DNAAF9: variants seen among roughly 807,000 people sequenced by gnomAD.
The protein encoded by DNAAF9 is shulin.
DNAAF9 carries 90 observed loss-of-function variants against 167.0 expected under a neutral mutation model. The observed-to-expected ratio is 0.54, with a 90% CI of 0.45 to 0.64. The LOEUF is 0.64. Among genes scored for constraint, DNAAF9 ranks in the 30% least tolerant of loss-of-function variants. The pLI is 0.00. For synonymous variants in DNAAF9, 491 were observed against 508.8 expected, an observed-to-expected ratio of 0.96 and a Z score of 0.47; for missense variants, 1,315 against 1,442.2, an observed-to-expected ratio of 0.91 and a Z score of 1.43.
chr20:3,306,524 G>A (rs766565698), intron 20 of DNAAF9, among the ~76,000 whole-genome samples: 1 of 152,062 alleles, frequency 6.6e-6, no homozygotes, highest in Non-Finnish European at 1.5e-5. Context: ...TTTCTCATAG[G>A]ACAGATGAGA....
intron 26 of DNAAF9, among the ~76,000 whole-genome samples, chr20:3,288,429 A>C (rs890299473): frequency 6.6e-6 from 1 of 152,216 alleles, no homozygotes; most frequent in Non-Finnish European, 1.5e-5. Flanking sequence ...CAGCCTGGGC[A>C]ACAAGAGTGA....
chr20:3,385,901 A>G (rs2083728429), intron 1 of DNAAF9, among the ~76,000 whole-genome samples: 1 of 152,250 alleles, frequency 6.6e-6, no homozygotes. Context: ...AGGAACCTCA[A>G]CATAGTACTG....
intron 12 of DNAAF9, 60 bp downstream of exon 12, chr20:3,330,586 G>A (rs2069807808): frequency 1.0e-6 from 1 of 983,334 alleles, no homozygotes; most frequent in Admixed American, 1.8e-5. Context: ...GAAGTACACA[G>A]GACAGTCACA....
At chr20:3,266,339 C>T (rs1309481365) in intron 30 of DNAAF9, among the ~76,000 whole-genome samples, 1 of 152,202 alleles carries the variant, frequency 6.6e-6, no homozygotes, top group Non-Finnish European at 1.5e-5. Flanking sequence ...TGGTACTTTA[C>T]ACAGTACAGG....
chr20:3,350,121 T>TCAGACACA (rs770198577), intron 7 of DNAAF9, among the ~76,000 whole-genome samples: 5 of 147,578 alleles, frequency 3.4e-5, no homozygotes, highest in Non-Finnish European at 6.0e-5. Flanking sequence ...GCCCAGACTA[T>TCAGACACA]CAGACACACA....
At chr20:3,299,024 TCA>T (rs2069135545) in intron 21 of DNAAF9, among the ~76,000 whole-genome samples, 1 of 151,758 alleles carries the variant, frequency 6.6e-6, no homozygotes, top group East Asian at 1.9e-4. Flanking sequence ...TTCTCCTGCT[TCA>T]GCCTCCCGAG....
At chr20:3,296,324 A>G in intron 23 of DNAAF9, 1 of 357,650 alleles carries the variant, frequency 2.8e-6, no homozygotes, top group Non-Finnish European at 5.5e-6. Flanking sequence ...GGCCCGGGTC[A>G]GGGCTGTGAG....
At chr20:3,375,350 A>AG (rs2083561569) in intron 4 of DNAAF9, among the ~76,000 whole-genome samples, 1 of 152,156 alleles carries the variant, frequency 6.6e-6, no homozygotes, top group Non-Finnish European at 1.5e-5. Flanking sequence ...GGATCAGGAA[A>AG]CCTAAATGCA....
chr20:3,283,641 C>T (rs1334496000), intron 27 of DNAAF9, among the ~76,000 whole-genome samples: 5 of 152,296 alleles, frequency 3.3e-5, no homozygotes, highest in South Asian at 4.1e-4. Flanking sequence ...GCAGGGCTGG[C>T]GTGTGCATGC....
chr20:3,269,782 G>A (rs1278477115), intron 30 of DNAAF9, among the ~76,000 whole-genome samples: 1 of 151,884 alleles, frequency 6.6e-6, no homozygotes, highest in Non-Finnish European at 1.5e-5. Flanking sequence ...GTGAAACCCC[G>A]TCTCTACTAA....
intron 33 of DNAAF9, among the ~76,000 whole-genome samples, chr20:3,259,107 T>G (rs6139048): frequency 0.24 from 36,687 of 152,076 alleles, 4,871 homozygotes; most frequent in African/African-American, 0.34. Context: ...CAGAAATGGA[T>G]CTAGAGCTGA....
chr20:3,357,368 G>A (rs1346439238), intron 7 of DNAAF9, among the ~76,000 whole-genome samples: 1 of 152,204 alleles, frequency 6.6e-6, no homozygotes, highest in Non-Finnish European at 1.5e-5. Flanking sequence ...CTACTTGGGA[G>A]GCGGAGGCAG....
chr20:3,290,353 T>C, intron 25 of DNAAF9, 136 bp from the exon 26 acceptor site: 1 of 659,282 alleles, frequency 1.5e-6, no homozygotes, highest in South Asian at 1.7e-5. Flanking sequence ...TCTGTGACCT[T>C]AGGCCAATGA....
intron 11 of DNAAF9, among the ~76,000 whole-genome samples, chr20:3,331,573 G>T (rs964099957): frequency 6.6e-6 from 1 of 152,132 alleles, no homozygotes; most frequent in East Asian, 1.9e-4. Flanking sequence ...CTGCTCCTAA[G>T]TACCCTTTTA....
At chr20:3,324,035 C>T (rs1415928362) in intron 14 of DNAAF9, among the ~76,000 whole-genome samples, 1 of 152,192 alleles carries the variant, frequency 6.6e-6, no homozygotes, top group Non-Finnish European at 1.5e-5. Context: ...CTTTCCCTTT[C>T]ATGGCCAGGG....
chr20:3,393,522 A>C (rs1193143590), intron 1 of DNAAF9, among the ~76,000 whole-genome samples: 2 of 152,196 alleles, frequency 1.3e-5, no homozygotes, highest in Non-Finnish European at 2.9e-5. Flanking sequence ...AAACAAAACA[A>C]AACAAAAATA....
At position 3,252,643 on chromosome 20, in the gene DNAAF9, G is replaced by T; in HGVS notation, c.3463C>A (p.Arg1155=). 1 of 1,612,600 alleles carries T rather than the reference G, an allele frequency of 6.2e-7. No homozygotes were observed. The highest frequency in any genetic ancestry group is 8.5e-7 in the Non-Finnish European group (1 of 1,178,628). Residue 1155 remains arginine (R), a synonymous_variant, in exon 37 of 37, where the codon CGG becomes AGG. Transcript: ENST00000252032. The part of the protein sequence containing the change: ...FMNDYVEEAN[R]EIEKYNQELE... ...TCCTGGTTATACTTCTCAATTTCCC[G>T]GTTGGCTTCTTCCACGTAGTCATTC... is the stretch of plus-strand genomic sequence containing the variant.
intron 3 of DNAAF9, among the ~76,000 whole-genome samples, chr20:3,377,161 A>G (rs2083587136): frequency 6.6e-6 from 1 of 152,190 alleles, no homozygotes; most frequent in African/African-American, 2.4e-5. Context: ...CTTATTATGC[A>G]AGTAAAGCCT....
At chr20:3,288,187 C>T (rs1488946178) in intron 26 of DNAAF9, among the ~76,000 whole-genome samples, 3 of 152,158 alleles carry the variant, frequency 2.0e-5, no homozygotes, top group Non-Finnish European at 2.9e-5. Flanking sequence ...TTGTGGCTCA[C>T]GCCTGTAATC....
Sources: gnomAD v4.1 joint callset for allele counts (sites outside exome capture counted in the v4.1 genomes callset) on GRCh38, gnomAD v4.1.1 for gene constraint, MANE v1.5 for transcripts, NCBI Gene and HGNC (gene_info 2026-07-23, HGNC 2026-07-21) for gene names.